The following NOL4L variants were observed in gnomAD, a reference collection of about 807,000 sequenced individuals.
NOL4L encodes nucleolar protein 4-like.
Under a neutral mutation model 64.5 loss-of-function variants are expected in NOL4L, and 7 were observed. That is an observed-to-expected ratio of 0.11 (90% CI 0.06 to 0.20). The LOEUF (loss-of-function observed/expected upper bound fraction) is 0.20. Among genes scored for constraint, NOL4L ranks in the 10% least tolerant of loss-of-function variants. The probability of loss-of-function intolerance (pLI) is 1.00; values close to 1 mark genes in which losing one functional copy is unlikely to be tolerated. For missense variants in NOL4L, 680 were observed against 967.1 expected (o/e 0.70, Z 3.94); for synonymous variants, 413 against 401.0 (o/e 1.03, Z -0.36).
chr20:32,583,410 G>T (rs980215998), intron 1 of NOL4L, among the ~76,000 whole-genome samples: 1 of 149,772 alleles, frequency 6.7e-6, no homozygotes, highest in Non-Finnish European at 1.5e-5. Context: ...GGCCGGGGAC[G>T]GGGCTGAGCG....
At chr20:32,479,084 C>T (rs1408338119) in intron 4 of NOL4L, among the ~76,000 whole-genome samples, 1 of 152,252 alleles carries the variant, frequency 6.6e-6, no homozygotes, top group Non-Finnish European at 1.5e-5. Context: ...TGGGTGTAAG[C>T]CCCCCTAGCC....
chr20:32,487,425 G>T (rs2145507941), intron 4 of NOL4L, among the ~76,000 whole-genome samples: 1 of 152,256 alleles, frequency 6.6e-6, no homozygotes, highest in Non-Finnish European at 1.5e-5. Flanking sequence ...GGGCTGAGTG[G>T]TCAGGGAAGA....
rs3746611 is a variant in NOL4L, at chr20:32,445,771, G to A, written c.*1825C>T. 51,593 of 152,096 alleles carry A rather than the reference G, an allele frequency of 0.34. 10,028 individuals are homozygous for A. The highest frequency in any genetic ancestry group is 0.72 in the East Asian group (3,689 of 5,138). The allele number at this position is 152,096 out of a possible 1,614,324, so 9.4% of individuals were successfully genotyped here. A position where few individuals can be genotyped will look rare whatever the true frequency, so the allele number is the denominator to read the frequency against. On this transcript the variant is annotated 3_prime_UTR_variant, in exon 11 of 11. Transcript: ENST00000621426. ...TATTGGAGGCCACTTGAGAGATAAC[G>A]ACCACCCCCAACCTCTAGGGGCCGG...
intron 1 of NOL4L, among the ~76,000 whole-genome samples, chr20:32,581,648 T>C (rs555469359): frequency 7.9e-5 from 12 of 152,242 alleles, no homozygotes; most frequent in Admixed American, 3.3e-4. Context: ...ACCTGCTCTC[T>C]CTTGAAGCCC....
intron 1 of NOL4L, among the ~76,000 whole-genome samples, chr20:32,535,289 A>C (rs953998593): frequency 1.8e-4 from 26 of 144,778 alleles, no homozygotes; most frequent in Admixed American, 1.4e-4. Flanking sequence ...AAAAAAAAAA[A>C]CCCTCCAAAA....
chr20:32,563,456 T>G (rs138387629), intron 1 of NOL4L, among the ~76,000 whole-genome samples: 16 of 151,996 alleles, frequency 1.1e-4, no homozygotes, highest in Non-Finnish European at 1.6e-4. Flanking sequence ...GTTGGAGAGA[T>G]GAAGGCTCCC....
intron 5 of NOL4L, among the ~76,000 whole-genome samples, chr20:32,473,341 C>T (rs1014615494): frequency 2.6e-5 from 4 of 152,154 alleles, no homozygotes; most frequent in Admixed American, 2.6e-4. Context: ...AGCCCCAGAG[C>T]CCCCCAGAGC....
chr20:32,544,026 C>A (rs965121042), intron 1 of NOL4L, among the ~76,000 whole-genome samples: 2 of 152,040 alleles, frequency 1.3e-5, no homozygotes, highest in Admixed American at 6.6e-5. Context: ...GGTGGGGAGG[C>A]TATGCTGAAC....
At chr20:32,458,188 A>G (rs1257311236) in intron 5 of NOL4L, among the ~76,000 whole-genome samples, 2 of 152,156 alleles carry the variant, frequency 1.3e-5, no homozygotes, top group Non-Finnish European at 2.9e-5. Flanking sequence ...GTAGCTGAGT[A>G]AGAGTCCGGC....
At chr20:32,495,086 G>A (rs1466591402) in intron 4 of NOL4L, among the ~76,000 whole-genome samples, 13 of 152,244 alleles carry the variant, frequency 8.5e-5, no homozygotes, top group African/African-American at 2.9e-4. Flanking sequence ...CCTGCTGTGC[G>A]TACTGTGGTG....
At chr20:32,563,655 C>T (rs1260359895) in intron 1 of NOL4L, among the ~76,000 whole-genome samples, 6 of 152,094 alleles carry the variant, frequency 3.9e-5, no homozygotes, top group Admixed American at 2.6e-4. Flanking sequence ...TGGCTGATAA[C>T]GGGCACCATT....
intron 5 of NOL4L, among the ~76,000 whole-genome samples, chr20:32,466,006 G>C (rs544135790): frequency 6.7e-6 from 1 of 148,540 alleles, no homozygotes; most frequent in East Asian, 2.0e-4. Context: ...TTTTGAGATG[G>C]AGTCACTCTG....
chr20:32,557,047 CT>C lies in NOL4L; in HGVS notation c.321+27522del, dbSNP rs143309328. Among the ~76,000 whole-genome samples, 1,450 of 152,320 alleles carry C rather than the reference CT, an allele frequency of 9.5e-3. 17 individuals carry two copies. Among genetic ancestry groups the C allele is most frequent in the African/African-American group, 0.034 (1,402 of 41,564 alleles). On this transcript the variant is annotated intron_variant, in intron 1 of 10. Coordinates refer to ENST00000621426, the MANE Select transcript of NOL4L (RefSeq NM_001256798.2). Reference sequence around the variant, plus strand: ...GCCAAGGAACTCCGTCTCCTTAGGACTTTTCTGCAGCTGTTACAGGGGGTTC... The same window carrying C: ...GCCAAGGAACTCCGTCTCCTTAGGACTTTCTGCAGCTGTTACAGGGGGTTC...
At chr20:32,494,255 A>AG (rs1374536377) in intron 4 of NOL4L, among the ~76,000 whole-genome samples, 3 of 45,460 alleles carry the variant, frequency 6.6e-5, no homozygotes, top group African/African-American at 1.3e-4. Context: ...AATCTCGGGA[A>AG]AAAAAAAAAA....
At chr20:32,457,516 C>T (rs2013662845) in intron 5 of NOL4L, among the ~76,000 whole-genome samples, 1 of 151,628 alleles carries the variant, frequency 6.6e-6, no homozygotes, top group South Asian at 2.1e-4. Flanking sequence ...GTGCTGGGCA[C>T]TGGGCACGCG....
chr20:32,555,313 A>T (rs1327994848), intron 1 of NOL4L, among the ~76,000 whole-genome samples: 1 of 151,994 alleles, frequency 6.6e-6, no homozygotes, highest in Non-Finnish European at 1.5e-5. Context: ...CTTTTTAAAA[A>T]TTTTTAAATT....
At chr20:32,550,949 G>A (rs943895352) in intron 1 of NOL4L, among the ~76,000 whole-genome samples, 3 of 148,344 alleles carry the variant, frequency 2.0e-5, no homozygotes, top group East Asian at 2.0e-4. Context: ...CCAGCTACTC[G>A]GGAGGCTGAG....
chr20:32,549,649 A>G (rs1251896990), intron 1 of NOL4L, among the ~76,000 whole-genome samples: 1 of 152,218 alleles, frequency 6.6e-6, no homozygotes, highest in East Asian at 1.9e-4. Context: ...GCTACTCAGG[A>G]GGCTGAGGCA....
Position 32,584,972 on chromosome 20 carries a change from C to A in NOL4L, c.-82G>T. The A allele has an allele frequency of 1.2e-6, 1 of 824,574 alleles. No individual in the cohort carries two copies. The highest frequency in any genetic ancestry group is 1.5e-6 in the Non-Finnish European group (1 of 681,002). 51.1% of individuals were successfully genotyped at this position (824,574 alleles called of 1,614,324 possible). On this transcript the variant is annotated 5_prime_UTR_variant, in exon 1 of 11. Transcript: ENST00000621426. Reference sequence around the variant, plus strand: ...CGGGACTGGGCTGGGCTGGGCTGGACCGGGCCGGGACGCGCCGCGGCCGCG... The same window carrying A: ...CGGGACTGGGCTGGGCTGGGCTGGAACGGGCCGGGACGCGCCGCGGCCGCG...
Sources: gnomAD v4.1 joint callset for allele counts (sites outside exome capture counted in the v4.1 genomes callset) on GRCh38, gnomAD v4.1.1 for gene constraint, MANE v1.5 for transcripts, NCBI Gene and HGNC (gene_info 2026-07-23, HGNC 2026-07-21) for gene names.